The following CRIM1 variants were observed in gnomAD, a reference collection of about 807,000 sequenced individuals.
The protein encoded by CRIM1 is cysteine-rich motor neuron 1 protein.
A neutral mutation model predicts 116.4 loss-of-function variants in CRIM1; 32 were observed. The observed-to-expected ratio is 0.27, with a 90% CI of 0.21 to 0.37. CRIM1 has a LOEUF of 0.37. CRIM1 is among the 10% of genes least tolerant of loss of function. CRIM1 has a pLI of 1.00. For synonymous variants in CRIM1, 590 were observed against 509.2 expected (o/e 1.16, Z -2.13); for missense variants, 1,331 against 1,354.8 (o/e 0.98, Z 0.28).
chr2:36,364,786 A>C (rs1354401095), intron 1 of CRIM1, among the ~76,000 whole-genome samples: 1 of 152,164 alleles, frequency 6.6e-6, no homozygotes, highest in Non-Finnish European at 1.5e-5. Flanking sequence ...TATTGTAGTG[A>C]GGATTAGAGA....
Position 36,550,595 on chromosome 2 carries a change from CA to C in CRIM1, c.*1895del, listed in dbSNP as rs959504063. ...CTAATTTATTAATCTGAAGATTAAC[CA>C]TTTTTTTGTCTTAGAATATCAAAAA... On this transcript the variant is annotated 3_prime_UTR_variant, in exon 17 of 17. Transcript: ENST00000280527. 1.1e-4 allele frequency: 16 copies of C among 152,292 alleles called. No homozygotes were observed. The highest frequency in any genetic ancestry group is 8.3e-4 in the South Asian group (4 of 4,798). The allele number at this position is 152,292 out of a possible 1,614,324, so 9.4% of individuals were successfully genotyped here.
intron 5 of CRIM1, among the ~76,000 whole-genome samples, chr2:36,474,624 G>A (rs1335189204): frequency 6.6e-6 from 1 of 152,070 alleles, no homozygotes; most frequent in Non-Finnish European, 1.5e-5. Flanking sequence ...GGGAGGCCAA[G>A]GTGGTTGGAT....
chr2:36,523,984 C>A (rs1665586225), intron 13 of CRIM1, among the ~76,000 whole-genome samples: 1 of 152,160 alleles, frequency 6.6e-6, no homozygotes, highest in African/African-American at 2.4e-5. Context: ...AATAAAAGTT[C>A]TGTTTTAAAA....
At chr2:36,375,253 C>T (rs903787686) in intron 1 of CRIM1, among the ~76,000 whole-genome samples, 20 of 151,376 alleles carry the variant, frequency 1.3e-4, no homozygotes, top group Non-Finnish European at 2.8e-4. Context: ...CTACAAAATT[C>T]GAAAAAAAAC....
chr2:36,417,673 C>G (rs951500564), intron 2 of CRIM1, among the ~76,000 whole-genome samples: 1 of 152,174 alleles, frequency 6.6e-6, no homozygotes, highest in Non-Finnish European at 1.5e-5. Flanking sequence ...CAGTTAAACT[C>G]TAACCAAAGA....
At chr2:36,440,317 C>T (rs536796010) in intron 2 of CRIM1, among the ~76,000 whole-genome samples, 4 of 152,312 alleles carry the variant, frequency 2.6e-5, no homozygotes, top group Non-Finnish European at 2.9e-5. Context: ...TTAACACTTA[C>T]GGAAACATTG....
chr2:36,547,529 C>T (rs775244095), intron 16 of CRIM1, among the ~76,000 whole-genome samples: 11 of 151,994 alleles, frequency 7.2e-5, no homozygotes, highest in Non-Finnish European at 1.5e-4. Flanking sequence ...AGTCATCAGT[C>T]AACTTAGAAT....
At chr2:36,480,595 G>A (rs764070813) in intron 7 of CRIM1, among the ~76,000 whole-genome samples, 15 of 152,116 alleles carry the variant, frequency 9.9e-5, no homozygotes, top group Non-Finnish European at 1.6e-4. Context: ...TTTTAAGTGC[G>A]AAGAAATCTT....
rs970154885 is a variant in CRIM1, at chr2:36,513,476, C to A, written c.1781-80C>A. 3.6e-6 allele frequency: 4 copies of A among 1,107,550 alleles called. No homozygotes were observed. The East Asian group carries it at 7.1e-5, about 20-fold the overall frequency. The allele number at this position is 1,107,550 out of a possible 1,614,324, so 68.6% of individuals were successfully genotyped here. Reference sequence around the variant, plus strand: ...AGACGTAATTGTTGGTGGCTGGGGTCCAGTCCATGTACAGACTCTGTAGCC... The same window carrying A: ...AGACGTAATTGTTGGTGGCTGGGGTACAGTCCATGTACAGACTCTGTAGCC... On this transcript the variant is annotated intron_variant, in intron 10 of 16. Coordinates refer to ENST00000280527, the MANE Select transcript of CRIM1 (RefSeq NM_016441.3).
chr2:36,419,540 A>G (rs908812661), intron 2 of CRIM1, among the ~76,000 whole-genome samples: 1 of 152,234 alleles, frequency 6.6e-6, no homozygotes, highest in Admixed American at 6.5e-5. Context: ...CATGTTCTTG[A>G]TAATGTACCA....
At chr2:36,459,052 T>A (rs1677376455) in intron 4 of CRIM1, among the ~76,000 whole-genome samples, 1 of 152,212 alleles carries the variant, frequency 6.6e-6, no homozygotes, top group Admixed American at 6.5e-5. Context: ...TTGTTCTCAT[T>A]ATAATGTTAA....
intron 2 of CRIM1, among the ~76,000 whole-genome samples, chr2:36,426,805 TTA>T (rs1674481157): frequency 6.6e-6 from 1 of 152,222 alleles, no homozygotes; most frequent in South Asian, 2.1e-4. Flanking sequence ...AGACACATTT[TTA>T]TGTTTTTTAA....
At chr2:36,460,730 C>G (rs974190276) in intron 4 of CRIM1, among the ~76,000 whole-genome samples, 9 of 152,168 alleles carry the variant, frequency 5.9e-5, no homozygotes, top group African/African-American at 2.2e-4. Flanking sequence ...CTGCAGTTCA[C>G]TTCCACTTAA....
intron 7 of CRIM1, among the ~76,000 whole-genome samples, chr2:36,489,187 T>C (rs945804041): frequency 6.6e-6 from 1 of 152,202 alleles, no homozygotes; most frequent in African/African-American, 2.4e-5. Context: ...TGTGCCTTTG[T>C]GCCTTGCATG....
intron 7 of CRIM1, among the ~76,000 whole-genome samples, chr2:36,495,482 T>TA (rs1558368397): frequency 1.4e-5 from 2 of 146,304 alleles, no homozygotes; most frequent in Non-Finnish European, 3.0e-5. Flanking sequence ...TTTATTTTTT[T>TA]TTTTTTTTTT....
At chr2:36,408,988 T>A (rs529376816) in intron 2 of CRIM1, among the ~76,000 whole-genome samples, 13 of 149,616 alleles carry the variant, frequency 8.7e-5, no homozygotes, top group African/African-American at 3.2e-4. Flanking sequence ...TTTACTAGTA[T>A]CTTGATTAAG....
At chr2:36,504,723 A>G (rs1572886051) in intron 8 of CRIM1, among the ~76,000 whole-genome samples, 1 of 152,224 alleles carries the variant, frequency 6.6e-6, no homozygotes, top group South Asian at 2.1e-4. Context: ...CTTTGTAGAT[A>G]CAAGCTTTTA....
chr2:36,431,702 T>A (rs1250657304), intron 2 of CRIM1, among the ~76,000 whole-genome samples: 1 of 152,176 alleles, frequency 6.6e-6, no homozygotes, highest in Admixed American at 6.5e-5. Flanking sequence ...CGGTCTTCCT[T>A]GAATGAGCAG....
intron 2 of CRIM1, among the ~76,000 whole-genome samples, chr2:36,404,279 A>G (rs979008628): frequency 1.3e-5 from 2 of 152,202 alleles, no homozygotes; most frequent in African/African-American, 4.8e-5. Flanking sequence ...TGGTTGACTA[A>G]TTTATACTCC....
Sources: allele counts gnomAD v4.1 joint callset (sites outside exome capture counted in the v4.1 genomes callset), GRCh38; gene constraint gnomAD v4.1.1; transcripts MANE v1.5; gene names NCBI Gene and HGNC (gene_info 2026-07-23, HGNC 2026-07-21).